ADAM29: variants seen among roughly 807,000 people sequenced by gnomAD.
ADAM29 encodes ADAM metallopeptidase domain 29, also known as disintegrin and metalloproteinase domain-containing protein 29.
For synonymous variants in ADAM29, 367 were observed against 342.3 expected, an observed-to-expected ratio of 1.07 and a Z score of -0.80; for missense variants, 969 against 1,001.8, an observed-to-expected ratio of 0.97 and a Z score of 0.44.
chr4:174,936,049 G>A (rs763486859), intron 3 of ADAM29, among the ~76,000 whole-genome samples: 4 of 151,988 alleles, frequency 2.6e-5, no homozygotes, highest in African/African-American at 7.2e-5. Flanking sequence ...TGGGACAACA[G>A]TTACAAATCA....
At chr4:174,971,377 AT>A (rs1452954236) in intron 4 of ADAM29, among the ~76,000 whole-genome samples, 2 of 151,960 alleles carry the variant, frequency 1.3e-5, no homozygotes, top group African/African-American at 4.8e-5. Flanking sequence ...TCCTTTTAGC[AT>A]TTTTTCTAAG....
At chr4:174,943,272 A>G (rs1379142145) in intron 4 of ADAM29, among the ~76,000 whole-genome samples, 1 of 152,164 alleles carries the variant, frequency 6.6e-6, no homozygotes, top group African/African-American at 2.4e-5. Context: ...TCTCCCCATT[A>G]GTCAGTTCCA....
intron 2 of ADAM29, among the ~76,000 whole-genome samples, chr4:174,924,644 A>G (rs1743390407): frequency 1.3e-5 from 2 of 152,238 alleles, no homozygotes; most frequent in Non-Finnish European, 2.9e-5. Flanking sequence ...GAAATGAACC[A>G]TTAAGCAATG....
chr4:174,958,300 C>A (rs1745622471), intron 4 of ADAM29, among the ~76,000 whole-genome samples: 1 of 151,626 alleles, frequency 6.6e-6, no homozygotes, highest in African/African-American at 2.4e-5. Context: ...CTTTTCAGTT[C>A]TATCAGGTTT....
At chr4:174,941,220 G>A (rs899165427) in intron 4 of ADAM29, among the ~76,000 whole-genome samples, 4 of 152,134 alleles carry the variant, frequency 2.6e-5, no homozygotes, top group Non-Finnish European at 4.4e-5. Flanking sequence ...AGGTAGCAGT[G>A]TTTTTAAAAA....
In ADAM29 at chr4:174,977,656, C is replaced by T. The variant is rs1461980779; in HGVS notation, c.2131C>T (p.Gln711Ter). ...SKPIKKQQDVQTPSAKEEEKI... is the reference protein window; with the variant it reads ...SKPIKKQQDV ...ACCAATAAAAAAGCAGCAAGATGTT[C>T]AAACTCCATCTGCAAAAGAAGAGGA... The change falls in exon 5 of 5, where the codon CAA becomes TAA. Residue 711 changes from glutamine (Q) to a stop codon, truncating the protein, a stop_gained. Transcript: ENST00000359240. LOFTEE classifies it low-confidence loss of function (END_TRUNC). 6.2e-7 allele frequency: 1 copy of T among 1,614,096 alleles called. No homozygotes were observed. Among genetic ancestry groups the T allele is most frequent in the Non-Finnish European group, 8.5e-7 (1 of 1,180,040 alleles).
chr4:174,974,287 T>C (rs1746630177), intron 4 of ADAM29, among the ~76,000 whole-genome samples: 2 of 152,356 alleles, frequency 1.3e-5, no homozygotes, highest in East Asian at 1.9e-4. Context: ...ATTGTTATTA[T>C]TTTTGTCTAT....
chr4:174,921,487 C>T (rs919512480), intron 2 of ADAM29, among the ~76,000 whole-genome samples: 3 of 152,020 alleles, frequency 2.0e-5, no homozygotes, highest in African/African-American at 7.2e-5. Flanking sequence ...GCATTTTGGC[C>T]AAAACCAGAT....
At chr4:174,966,466 G>A (rs951881277) in intron 4 of ADAM29, among the ~76,000 whole-genome samples, 9 of 152,150 alleles carry the variant, frequency 5.9e-5, no homozygotes, top group African/African-American at 1.9e-4. Context: ...ACTAGATAAG[G>A]TATGCAATTT....
chr4:174,932,429 T>C (rs1743942954), intron 3 of ADAM29, among the ~76,000 whole-genome samples: 2 of 152,212 alleles, frequency 1.3e-5, no homozygotes, highest in African/African-American at 4.8e-5. Context: ...CTCAGTCTAT[T>C]TGGGCTGCTA....
At chr4:174,942,203 T>C (rs1393885999) in intron 4 of ADAM29, among the ~76,000 whole-genome samples, 1 of 152,146 alleles carries the variant, frequency 6.6e-6, no homozygotes. Flanking sequence ...TCCAAGCGCA[T>C]GGTGAAAGCT....
chr4:174,968,841 T>A (rs1228933078), intron 4 of ADAM29, among the ~76,000 whole-genome samples: 1 of 152,038 alleles, frequency 6.6e-6, no homozygotes, highest in African/African-American at 2.4e-5. Context: ...TTGTCTTATA[T>A]CTGTAAGTCA....
chr4:174,930,156 C>G (rs780482415), intron 2 of ADAM29, among the ~76,000 whole-genome samples: 5 of 152,118 alleles, frequency 3.3e-5, no homozygotes, highest in Non-Finnish European at 5.9e-5. Flanking sequence ...TCTCGATCTC[C>G]TGACCTCAAG....
intron 4 of ADAM29, among the ~76,000 whole-genome samples, chr4:174,967,523 TA>T (rs35544889): frequency 0.19 from 28,307 of 152,168 alleles, 3,202 homozygotes; most frequent in East Asian, 0.3. Context: ...AAATCTGTAA[TA>T]TTTCAAAATG....
intron 3 of ADAM29, among the ~76,000 whole-genome samples, chr4:174,933,713 T>A (rs1744041958): frequency 6.6e-6 from 1 of 152,202 alleles, no homozygotes; most frequent in African/African-American, 2.4e-5. Flanking sequence ...AACTTATAAT[T>A]GAGAACATGC....
At chr4:174,952,100 T>A (rs1446424048) in intron 4 of ADAM29, among the ~76,000 whole-genome samples, 3 of 152,126 alleles carry the variant, frequency 2.0e-5, no homozygotes, top group African/African-American at 7.2e-5. Context: ...GATATATACA[T>A]GTATCAAAAC....
At position 174,975,839 on chromosome 4, in the gene ADAM29, A is replaced by T; in HGVS notation, c.314A>T (p.Tyr105Phe). Residue 105 changes from tyrosine (Y) to phenylalanine (F), a missense_variant, in exon 5 of 5, where the codon TAT (tyrosine) becomes TTT (phenylalanine). By Grantham distance (22) the Tyr-to-Phe change is conservative. Coordinates refer to ENST00000359240, the MANE Select transcript of ADAM29 (RefSeq NM_014269.4). ...FVQNNCYYHG[Y>F]VEGDPESLVS... ...CAGAATAACTGCTACTATCATGGTT[A>T]TGTGGAAGGGGACCCAGAATCCCTG... 1 of 1,614,174 alleles carries T rather than the reference A, an allele frequency of 6.2e-7. No homozygotes were observed. The highest frequency in any genetic ancestry group is 8.5e-7 in the Non-Finnish European group (1 of 1,180,008).
intron 4 of ADAM29, among the ~76,000 whole-genome samples, chr4:174,961,396 T>C (rs1745813991): frequency 6.6e-6 from 1 of 151,760 alleles, no homozygotes; most frequent in Admixed American, 6.6e-5. Context: ...AACTTTATGC[T>C]GCAGGTTTAG....
chr4:174,952,684 C>T (rs947396638), intron 4 of ADAM29, among the ~76,000 whole-genome samples: 4 of 151,814 alleles, frequency 2.6e-5, no homozygotes, highest in African/African-American at 9.7e-5. Context: ...ACTGAGTATC[C>T]GTACATGTGT....
Sources: allele counts gnomAD v4.1 joint callset (sites outside exome capture counted in the v4.1 genomes callset), GRCh38; gene constraint gnomAD v4.1.1; transcripts MANE v1.5; gene names NCBI Gene and HGNC (gene_info 2026-07-23, HGNC 2026-07-21).